CPNE8: variants seen among roughly 807,000 people sequenced by gnomAD.
The protein encoded by CPNE8 is copine 8.
In CPNE8, 45 loss-of-function variants were observed where a neutral mutation model predicts 81.5. The ratio of observed to expected loss-of-function variants is 0.55; its 90% CI spans 0.44 to 0.71. The LOEUF (loss-of-function observed/expected upper bound fraction) is 0.71, where lower values mean the gene tolerates loss of function less well. Among genes scored for constraint, CPNE8 ranks in the 30% least tolerant of loss-of-function variants. The probability of loss-of-function intolerance (pLI) is 0.00; values close to 1 mark genes in which losing one functional copy is unlikely to be tolerated. For synonymous variants in CPNE8, 252 were observed against 226.3 expected, an observed-to-expected ratio of 1.11 and a Z score of -1.02; for missense variants, 594 against 672.1, an observed-to-expected ratio of 0.88 and a Z score of 1.28.
intron 6 of CPNE8, among the ~76,000 whole-genome samples, chr12:38,814,175 G>A (rs986398468): frequency 1.3e-5 from 2 of 152,016 alleles, no homozygotes; most frequent in African/African-American, 2.4e-5. Flanking sequence ...TCTGTGTACC[G>A]AAATGCAAAG....
chr12:38,738,012 G>A (rs1198414238), intron 10 of CPNE8, among the ~76,000 whole-genome samples: 1 of 152,098 alleles, frequency 6.6e-6, no homozygotes, highest in Non-Finnish European at 1.5e-5. Flanking sequence ...ACTTCCCATA[G>A]TTGTGCCAGA....
intron 6 of CPNE8, among the ~76,000 whole-genome samples, chr12:38,783,623 A>G (rs934163590): frequency 5.3e-5 from 8 of 152,178 alleles, no homozygotes; most frequent in African/African-American, 1.9e-4. Context: ...ATAGCCAAAG[A>G]CAGGCTTGTG....
intron 19 of CPNE8, among the ~76,000 whole-genome samples, chr12:38,659,380 GA>G (rs1267536435): frequency 2.0e-5 from 3 of 152,190 alleles, no homozygotes; most frequent in South Asian, 4.1e-4. Context: ...CCCAATACAA[GA>G]GCACCCAGAT....
intron 6 of CPNE8, among the ~76,000 whole-genome samples, chr12:38,799,859 C>A (rs1942612261): frequency 6.6e-6 from 1 of 151,288 alleles, no homozygotes; most frequent in Admixed American, 6.6e-5. Flanking sequence ...CGCAAGGGGT[C>A]AGGGAGTTCC....
chr12:38,786,445 C>A (rs1942189194), intron 6 of CPNE8, among the ~76,000 whole-genome samples: 1 of 152,144 alleles, frequency 6.6e-6, no homozygotes. Flanking sequence ...CCGGCCTAAC[C>A]TCCCAGCCTA....
At chr12:38,748,162 C>T (rs576674866) in intron 10 of CPNE8, among the ~76,000 whole-genome samples, 55 of 151,860 alleles carry the variant, frequency 3.6e-4, no homozygotes, top group African/African-American at 1.3e-3. Context: ...AGGCATGAGC[C>T]ACCACGCCCA....
chr12:38,696,811 A>C (rs1220375012), intron 14 of CPNE8, among the ~76,000 whole-genome samples: 1 of 152,124 alleles, frequency 6.6e-6, no homozygotes, highest in Admixed American at 6.6e-5. Context: ...TTGGGAGGCC[A>C]AGGTGGGTGG....
At chr12:38,703,862 A>C (rs1299773273) in intron 13 of CPNE8, among the ~76,000 whole-genome samples, 1 of 152,152 alleles carries the variant, frequency 6.6e-6, no homozygotes, top group African/African-American at 2.4e-5. Flanking sequence ...ACACACACAC[A>C]CAAATATCTA....
chr12:38,686,722 A>T (rs1318447671), intron 15 of CPNE8, among the ~76,000 whole-genome samples: 2 of 152,130 alleles, frequency 1.3e-5, no homozygotes, highest in Non-Finnish European at 2.9e-5. Context: ...GGACAGAAGG[A>T]TCTATTTCCA....
At chr12:38,732,176 T>C (rs895207115) in intron 10 of CPNE8, among the ~76,000 whole-genome samples, 1 of 151,956 alleles carries the variant, frequency 6.6e-6, no homozygotes, top group Admixed American at 6.6e-5. Flanking sequence ...AACTTACCCA[T>C]GCTTGGTTAA....
intron 6 of CPNE8, among the ~76,000 whole-genome samples, chr12:38,787,697 T>G (rs957930424): frequency 6.6e-6 from 1 of 151,390 alleles, no homozygotes; most frequent in African/African-American, 2.4e-5. Context: ...CAACAAACCT[T>G]TAGGCAGACT....
intron 7 of CPNE8, among the ~76,000 whole-genome samples, chr12:38,768,198 A>G (rs1592072372): frequency 6.6e-6 from 1 of 151,908 alleles, no homozygotes; most frequent in African/African-American, 2.4e-5. Flanking sequence ...AAAGATAAAC[A>G]TTGACCACAT....
intron 13 of CPNE8, among the ~76,000 whole-genome samples, chr12:38,720,167 G>C (rs748611306): frequency 6.6e-6 from 1 of 152,200 alleles, no homozygotes; most frequent in Admixed American, 6.5e-5. Context: ...AGAATAACTA[G>C]CATTTCTTCC....
chr12:38,906,670 G>C, upstream of CPNE8: 1 of 922,998 alleles, frequency 1.1e-6, no homozygotes, highest in Non-Finnish European at 1.3e-6. Flanking sequence ...TGCCAAGACG[G>C]AGTCGTGGCA....
chr12:38,659,594 A>T (rs1938903524), intron 19 of CPNE8, among the ~76,000 whole-genome samples: 1 of 152,208 alleles, frequency 6.6e-6, no homozygotes, highest in Non-Finnish European at 1.5e-5. Context: ...CAGAATACAC[A>T]TTCTTCTCAG....
chr12:38,900,750 G>C (rs1944450251), intron 1 of CPNE8, among the ~76,000 whole-genome samples: 1 of 152,054 alleles, frequency 6.6e-6, no homozygotes, highest in South Asian at 2.1e-4. Context: ...ATGCATTTTG[G>C]GCTATGGCAC....
At chr12:38,895,054 A>G (rs1190328568) in intron 1 of CPNE8, among the ~76,000 whole-genome samples, 1 of 152,098 alleles carries the variant, frequency 6.6e-6, no homozygotes, top group Non-Finnish European at 1.5e-5. Context: ...GACATTTGAG[A>G]TTGTTCTTAA....
chr12:38,784,236 C>A lies in CPNE8; in HGVS notation c.408-7935G>T, dbSNP rs112221552. On this transcript the variant is annotated intron_variant, in intron 6 of 19. Transcript: ENST00000331366. ...ACAATTGGCATACTGAAGAATGCAT[C>A]AGTCTTTTAATGGCAGAGTTGATCA... Among the ~76,000 whole-genome samples the A allele has an allele frequency of 6.0e-3, 915 of 152,230 alleles. 13 individuals carry two copies. The highest frequency in any genetic ancestry group is 0.021 in the African/African-American group (873 of 41,558).
chr12:38,693,605 A>G, intron 15 of CPNE8, 52 bp downstream of exon 15: 2 of 1,470,236 alleles, frequency 1.4e-6, no homozygotes, highest in Non-Finnish European at 1.9e-6. Flanking sequence ...GCAATATTAA[A>G]AGGTCTAACA....
Sources: allele counts gnomAD v4.1 joint callset (sites outside exome capture counted in the v4.1 genomes callset), GRCh38; gene constraint gnomAD v4.1.1; transcripts MANE v1.5; gene names NCBI Gene and HGNC (gene_info 2026-07-23, HGNC 2026-07-21).